Variants in NPAS2 observed in about 807,000 individuals in gnomAD.
NPAS2 encodes neuronal PAS domain protein 2, also known as neuronal PAS domain-containing protein 2.
A neutral mutation model predicts 107.5 loss-of-function variants in NPAS2; 23 were observed. The ratio of observed to expected loss-of-function variants is 0.21; its 90% CI spans 0.15 to 0.30. NPAS2 has a LOEUF of 0.30. NPAS2 is among the 10% of genes least tolerant of loss of function. The pLI, the probability that NPAS2 is intolerant of heterozygous loss-of-function variation, is 1.00. For synonymous variants in NPAS2, 403 were observed against 417.5 expected, an observed-to-expected ratio of 0.97 and a Z score of 0.42; for missense variants, 756 against 1,043.3, an observed-to-expected ratio of 0.72 and a Z score of 3.79.
chr2:100,974,157 T>C (rs1173843506), intron 12 of NPAS2, among the ~76,000 whole-genome samples: 2 of 152,170 alleles, frequency 1.3e-5, no homozygotes, highest in Admixed American at 6.5e-5. Context: ...CCAGCCCCTG[T>C]TTTCATGTGC....
chr2:100,828,545 C>G (rs570984324), intron 1 of NPAS2, among the ~76,000 whole-genome samples: 56 of 152,210 alleles, frequency 3.7e-4, no homozygotes, highest in Non-Finnish European at 5.1e-4. Flanking sequence ...CATTTAAATC[C>G]TTAATTCATC....
chr2:100,949,311 G>T, intron 6 of NPAS2, 56 bp from the exon 7 acceptor site: 2 of 975,548 alleles, frequency 2.1e-6, no homozygotes, highest in South Asian at 1.3e-5. Context: ...TACTTGTTTA[G>T]AGTCTGTGCA....
In NPAS2 at chr2:100,949,051, A is replaced by G. The variant is rs555846943; in HGVS notation, c.485-316A>G. On this transcript the variant is annotated intron_variant, in intron 6 of 20. Coordinates refer to ENST00000335681, the MANE Select transcript of NPAS2 (RefSeq NM_002518.4). ...ATTAAATTAAAGGGAGCAGCTCTAT[A>G]TGAGCCGCTTTATTTTAACATACCA... is the stretch of plus-strand genomic sequence containing the variant. Among the ~76,000 whole-genome samples, 151 of 152,344 alleles carry G rather than the reference A, an allele frequency of 9.9e-4. 1 individual carries two copies. The highest frequency in any genetic ancestry group is 1.2e-3 in the South Asian group (6 of 4,830).
chr2:100,850,485 G>A (rs1055313078), intron 1 of NPAS2, among the ~76,000 whole-genome samples: 1 of 152,104 alleles, frequency 6.6e-6, no homozygotes, highest in African/African-American at 2.4e-5. Context: ...GAAAAAGGAC[G>A]AGATCATTTT....
At chr2:100,836,094 GCT>G (rs1259077837) in intron 1 of NPAS2, among the ~76,000 whole-genome samples, 9 of 152,164 alleles carry the variant, frequency 5.9e-5, no homozygotes, top group Admixed American at 5.9e-4. Context: ...GAGATGCCAG[GCT>G]CTCTTTGCAG....
intron 17 of NPAS2, 105 bp from the exon 18 acceptor site, chr2:100,990,151 G>A (rs940403139): frequency 3.0e-6 from 3 of 985,128 alleles, no homozygotes; most frequent in Non-Finnish European, 3.1e-6. Context: ...CTGATTTAGA[G>A]GAAAGGCAAG....
chr2:100,867,447 C>CTTATATGCTACTAAGTTATGT (rs1679324919), intron 1 of NPAS2, among the ~76,000 whole-genome samples: 1 of 152,116 alleles, frequency 6.6e-6, no homozygotes, highest in African/African-American at 2.4e-5. Context: ...CAAAGTTATG[C>CTTATATGCTACTAAGTTATGT]TTATATGCTA....
rs1458141720 is a variant in NPAS2, at chr2:100,937,841, C to T, written c.362C>T (p.Pro121Leu). Residue 121 changes from proline (P) to leucine (L), a missense_variant and splice_region_variant, in exon 5 of 21, where the codon CCG (proline) becomes CTG (leucine). Pro to Leu is a moderately conservative substitution (Grantham distance 98). Transcript: ENST00000335681. ...ATCACGCCTCTCCTTGGGCATTTAC[C>T]GGTGAGTTTCCACTCCAATGGCCTT... ...DSITPLLGHL[P>L]SDVMDQNLLN... 2 of 1,609,974 alleles carry T rather than the reference C, an allele frequency of 1.2e-6. No homozygotes were observed. Among genetic ancestry groups the T allele is most frequent in the South Asian group, 1.1e-5 (1 of 91,000 alleles).
At chr2:100,995,301 G>C (rs1678382030) in intron 20 of NPAS2, 99 bp from the exon 21 acceptor site, 1 of 1,113,338 alleles carries the variant, frequency 9.0e-7, no homozygotes, top group Non-Finnish European at 1.3e-6. Context: ...CAGCCCTGTA[G>C]TCTAACTCAA....
At chr2:100,828,918 T>C (rs1251020944) in intron 1 of NPAS2, among the ~76,000 whole-genome samples, 2 of 152,228 alleles carry the variant, frequency 1.3e-5, no homozygotes, top group African/African-American at 4.8e-5. Context: ...AAGAGTTTTT[T>C]CTAGTTCTGT....
intron 14 of NPAS2, chr2:100,975,820 A>C: frequency 2.5e-6 from 1 of 402,992 alleles, no homozygotes; most frequent in East Asian, 5.1e-5. Flanking sequence ...TTAAAGGCAA[A>C]ACTGCAAACC....
Position 100,932,956 on chromosome 2 carries a change from G to T in NPAS2, c.228G>T (p.Lys76Asn), listed in dbSNP as rs1684057354. The T allele has an allele frequency of 6.2e-7, 1 of 1,614,014 alleles. No homozygotes were observed. ...TEICDIQQDW[K>N]PSFLSNEEFT... Reference sequence around the variant, plus strand: ...TCTGTGACATTCAGCAAGACTGGAAGCCTTCATTCCTCAGTAATGAAGAAT... The same window carrying T: ...TCTGTGACATTCAGCAAGACTGGAATCCTTCATTCCTCAGTAATGAAGAAT... Residue 76 changes from lysine to asparagine, a missense_variant, in exon 4 of 21, where the codon AAG (lysine) becomes AAT (asparagine). Coordinates refer to ENST00000335681, the MANE Select transcript of NPAS2 (RefSeq NM_002518.4).
At chr2:100,949,505 G>A in intron 7 of NPAS2, 25 bp downstream of exon 7, 1 of 1,320,366 alleles carries the variant, frequency 7.6e-7, no homozygotes, top group South Asian at 1.2e-5. Flanking sequence ...TCATATAATT[G>A]TGACAGTGTC....
At chr2:100,901,605 G>A (rs1681784591) in intron 1 of NPAS2, 14 of 956,058 alleles carry the variant, frequency 1.5e-5, no homozygotes, top group Non-Finnish European at 1.7e-5. Flanking sequence ...ATCAGAGGGT[G>A]GGTGGAGAAT....
At chr2:100,852,607 A>C (rs1678272502) in intron 1 of NPAS2, among the ~76,000 whole-genome samples, 1 of 152,076 alleles carries the variant, frequency 6.6e-6, no homozygotes, top group Admixed American at 6.5e-5. Flanking sequence ...TTGTCTAGCT[A>C]GAGTGGAAAG....
chr2:100,920,876 A>G (rs1683181289), intron 2 of NPAS2, among the ~76,000 whole-genome samples: 1 of 152,224 alleles, frequency 6.6e-6, no homozygotes, highest in African/African-American at 2.4e-5. Flanking sequence ...CTAACACCAC[A>G]GGTGACCACG....
At chr2:100,988,322 C>T (rs1677892408) in intron 17 of NPAS2, 46 bp downstream of exon 17, 1 of 1,528,860 alleles carries the variant, frequency 6.5e-7, no homozygotes, top group Non-Finnish European at 9.0e-7. Context: ...CTAGAGCAGA[C>T]ACCCTCTTGC....
intron 1 of NPAS2, among the ~76,000 whole-genome samples, chr2:100,842,506 G>C (rs1206097088): frequency 6.6e-6 from 1 of 152,146 alleles, no homozygotes; most frequent in African/African-American, 2.4e-5. Context: ...CTGGCTGTTA[G>C]TCAGGGTGTG....
At chr2:100,947,067 C>A in intron 5 of NPAS2, among the ~76,000 whole-genome samples, 1 of 152,144 alleles carries the variant, frequency 6.6e-6, no homozygotes, top group East Asian at 1.9e-4. Flanking sequence ...GAGGCTGGAA[C>A]ATGAGAGAGT....
Sources: gnomAD v4.1 joint callset for allele counts (sites outside exome capture counted in the v4.1 genomes callset) on GRCh38, gnomAD v4.1.1 for gene constraint, MANE v1.5 for transcripts, NCBI Gene and HGNC (gene_info 2026-07-23, HGNC 2026-07-21) for gene names.